Variants in XIRP2 observed in about 807,000 individuals in gnomAD.
XIRP2 encodes xin actin-binding repeat-containing protein 2.
In XIRP2, 236 loss-of-function variants were observed where a neutral mutation model predicts 277.0. The observed-to-expected ratio is 0.85, with a 90% CI of 0.77 to 0.95. XIRP2 has a LOEUF of 0.95. Ranked by LOEUF, XIRP2 falls within the 40% of genes least tolerant of loss-of-function variation. The probability of loss-of-function intolerance (pLI) is 0.00; values close to 1 mark genes in which losing one functional copy is unlikely to be tolerated. For missense variants in XIRP2, 4,640 were observed against 4,157.5 expected, an observed-to-expected ratio of 1.12 and a Z score of -3.19; for synonymous variants, 1,490 against 1,416.5, an observed-to-expected ratio of 1.05 and a Z score of -1.17.
At chr2:167,110,242 C>A (rs1056486813) in intron 2 of XIRP2, among the ~76,000 whole-genome samples, 1 of 152,028 alleles carries the variant, frequency 6.6e-6, no homozygotes, top group Admixed American at 6.6e-5. Context: ...GAAATCTTGC[C>A]AAATCTTATG....
intron 2 of XIRP2, among the ~76,000 whole-genome samples, chr2:167,031,102 T>C (rs2105504504): frequency 6.6e-6 from 1 of 152,156 alleles, no homozygotes; most frequent in Non-Finnish European, 1.5e-5. Context: ...ACATGTGAGA[T>C]GGATCTCCTG....
At chr2:166,900,995 G>C (rs1684373823) in intron 1 of XIRP2, among the ~76,000 whole-genome samples, 2 of 152,098 alleles carry the variant, frequency 1.3e-5, no homozygotes, top group South Asian at 4.1e-4. Context: ...GTTGGAGAGA[G>C]AGACAGCAAA....
intron 3 of XIRP2, among the ~76,000 whole-genome samples, chr2:167,161,845 A>G (rs1692378875): frequency 6.6e-6 from 1 of 152,146 alleles, no homozygotes. Flanking sequence ...CATTGTCAAG[A>G]TGCAAATTTT....
intron 2 of XIRP2, among the ~76,000 whole-genome samples, chr2:167,130,888 C>T (rs572037607): frequency 2.0e-5 from 3 of 152,096 alleles, no homozygotes; most frequent in Admixed American, 1.3e-4. Flanking sequence ...TTTCTGAATT[C>T]GTAAGTAACT....
intron 2 of XIRP2, among the ~76,000 whole-genome samples, chr2:166,996,058 A>G (rs1219519988): frequency 2.0e-5 from 3 of 152,204 alleles, no homozygotes; most frequent in Non-Finnish European, 4.4e-5. Flanking sequence ...ACTGTTTTAT[A>G]AACGACTACT....
In XIRP2 at chr2:167,247,861, C is replaced by A. The variant is rs1258160099; in HGVS notation, c.6469C>A (p.Gln2157Lys). The A allele has an allele frequency of 6.2e-7, 1 of 1,613,498 alleles. No individual in the cohort carries two copies. Among genetic ancestry groups the A allele is most frequent in the Admixed American group, 1.7e-5 (1 of 59,942 alleles). ...TKNIKILTDT[Q>K]SSKPSPTQHP... ...AAATATTAAAATATTAACTGATACA[C>A]AAAGCTCCAAGCCCAGTCCCACCCA... The change falls in exon 9 of 11, where the codon CAA becomes AAA. Residue 2157 changes from glutamine to lysine, a missense_variant. By Grantham distance (53) the Gln-to-Lys change is moderately conservative (BLOSUM62 1). Transcript: ENST00000409195.
At chr2:167,234,960 C>G (rs1694858665) in intron 5 of XIRP2, among the ~76,000 whole-genome samples, 1 of 151,842 alleles carries the variant, frequency 6.6e-6, no homozygotes, top group South Asian at 2.1e-4. Flanking sequence ...TAACAATTCA[C>G]AAAACAACAT....
At chr2:167,236,343 A>T (rs916726808) in intron 5 of XIRP2, among the ~76,000 whole-genome samples, 1 of 152,016 alleles carries the variant, frequency 6.6e-6, no homozygotes, top group Admixed American at 6.6e-5. Flanking sequence ...CCCTATAATG[A>T]TATAAGAATG....
chr2:167,112,729 G>A (rs922389291), intron 2 of XIRP2, among the ~76,000 whole-genome samples: 2 of 151,972 alleles, frequency 1.3e-5, no homozygotes, highest in Non-Finnish European at 2.9e-5. Context: ...TTGGCTTACT[G>A]CAACCTCCAC....
At chr2:167,114,485 T>C (rs145579564) in intron 2 of XIRP2, among the ~76,000 whole-genome samples, 2,081 of 152,220 alleles carry the variant, frequency 0.014, 57 homozygotes, top group African/African-American at 0.048. Context: ...AGGGTACATG[T>C]GCACAATGTG....
At chr2:166,912,487 G>A (rs1019250075) in intron 2 of XIRP2, among the ~76,000 whole-genome samples, 8 of 152,080 alleles carry the variant, frequency 5.3e-5, no homozygotes, top group African/African-American at 1.9e-4. Flanking sequence ...CTCTACTTTG[G>A]TTATTCTAGT....
chr2:167,089,280 T>C (rs1482333576), intron 2 of XIRP2, among the ~76,000 whole-genome samples: 1 of 152,160 alleles, frequency 6.6e-6, no homozygotes, highest in Non-Finnish European at 1.5e-5. Context: ...TATTAGAGAT[T>C]TTTTCCGTGT....
chr2:167,164,653 T>C (rs1364213972), intron 3 of XIRP2, among the ~76,000 whole-genome samples: 1 of 152,176 alleles, frequency 6.6e-6, no homozygotes. Flanking sequence ...TTCATAGTTT[T>C]CAGTGTAGAG....
intron 4 of XIRP2, among the ~76,000 whole-genome samples, chr2:167,213,223 T>C (rs1361906441): frequency 6.6e-6 from 1 of 152,124 alleles, no homozygotes; most frequent in Non-Finnish European, 1.5e-5. Context: ...AAATGCCAGA[T>C]TCATTTTCAA....
At chr2:166,995,427 C>A (rs77537807) in intron 2 of XIRP2, among the ~76,000 whole-genome samples, 5,340 of 152,182 alleles carry the variant, frequency 0.035, 113 homozygotes, top group East Asian at 0.062. Flanking sequence ...AATTCTTGGC[C>A]AGGATCAGTT....
intron 2 of XIRP2, among the ~76,000 whole-genome samples, chr2:166,994,436 C>G (rs1444955499): frequency 7.6e-6 from 1 of 131,154 alleles, no homozygotes; most frequent in Non-Finnish European, 1.6e-5. Flanking sequence ...ATGTAACTAA[C>G]CTGCACAATG....
chr2:166,909,211 A>G (rs750243750), intron 2 of XIRP2, among the ~76,000 whole-genome samples: 5 of 152,162 alleles, frequency 3.3e-5, no homozygotes, highest in Non-Finnish European at 7.3e-5. Flanking sequence ...CTTGGGCAGT[A>G]TGGGATTTTC....
At chr2:166,942,107 T>G (rs1685737068) in intron 2 of XIRP2, among the ~76,000 whole-genome samples, 1 of 152,208 alleles carries the variant, frequency 6.6e-6, no homozygotes, top group South Asian at 2.1e-4. Context: ...TGTCAGTACA[T>G]GAAGTGACCA....
chr2:167,234,208 T>C (rs1388978727), intron 5 of XIRP2, among the ~76,000 whole-genome samples: 1 of 151,524 alleles, frequency 6.6e-6, no homozygotes, highest in Non-Finnish European at 1.5e-5. Flanking sequence ...GATTCTTTGC[T>C]CTTTCTAGCT....
Sources: allele counts gnomAD v4.1 joint callset (sites outside exome capture counted in the v4.1 genomes callset), GRCh38; gene constraint gnomAD v4.1.1; transcripts MANE v1.5; gene names NCBI Gene and HGNC (gene_info 2026-07-23, HGNC 2026-07-21).